PIM2: variants seen among roughly 807,000 people sequenced by gnomAD.
PIM2 encodes the protein serine/threonine-protein kinase pim-2.
Under a neutral mutation model 18.0 loss-of-function variants are expected in PIM2, and 3 were observed. The ratio of observed to expected loss-of-function variants is 0.17; its 90% CI spans 0.08 to 0.43. The LOEUF (loss-of-function observed/expected upper bound fraction) is 0.43. Among genes scored for constraint, PIM2 ranks in the 20% least tolerant of loss-of-function variants. PIM2 has a pLI of 0.99. For missense variants in PIM2, 181 were observed against 260.8 expected, an observed-to-expected ratio of 0.69 and a Z score of 2.11; for synonymous variants, 117 against 105.3, an observed-to-expected ratio of 1.11 and a Z score of -0.68.
rs943939038 is a variant in PIM2, at chrX:48,913,358, G to A, written c.*773C>T. The A allele has an allele frequency of 1.8e-4, 20 of 109,510 alleles. No individual in the cohort carries two copies. Among genetic ancestry groups the A allele is most frequent in the African/African-American group, 6.0e-4 (18 of 29,856 alleles). 9.0% of individuals were successfully genotyped at this position (109,510 alleles called of 1,213,427 possible). On this transcript the variant is annotated 3_prime_UTR_variant, in exon 6 of 6. Transcript: ENST00000376509. ...GAGGAGGTTGCAAGAATCTGCAAAA[G>A]TTGGAGGGAGCGCCCCAGGAGAACA... is the stretch of plus-strand genomic sequence containing the variant.
rs1455775054 is a variant in PIM2, at chrX:48,913,224, T to C, written c.*907A>G. ...TTATTAAATAGTGGGTTTCCACACATGGCTTTTTAAATAATCCAGGCAGGA... is the reference window on the plus strand; with the variant it reads ...TTATTAAATAGTGGGTTTCCACACACGGCTTTTTAAATAATCCAGGCAGGA... On this transcript the variant is annotated 3_prime_UTR_variant, in exon 6 of 6. Transcript: ENST00000376509. 1 of 111,185 alleles carries C rather than the reference T, an allele frequency of 9.0e-6. No individual in the cohort carries two copies. The highest frequency in any genetic ancestry group is 1.9e-5 in the Non-Finnish European group (1 of 52,920). 9.2% of individuals were successfully genotyped at this position (111,185 alleles called of 1,213,427 possible).
rs1297726420 is a variant in PIM2, at chrX:48,914,175, A to G, written c.892T>C (p.Ser298Pro). Residue 298 changes from serine (S) to proline (P), a missense_variant, in exon 6 of 6, where the codon TCC (serine) becomes CCC (proline). Coordinates refer to ENST00000376509, the MANE Select transcript of PIM2 (RefSeq NM_006875.4). ...TPAEDVPLNP[S>P]KGGPAPLAWS... is the part of the protein sequence containing the mutation. ...GCCAAAGGGGCAGGGCCTCCTTTGG[A>G]GGGGTTGAGGGGTACATCCTCGGCT... The G allele has an allele frequency of 8.6e-7, 1 of 1,161,796 alleles. No homozygotes were observed. The highest frequency in any genetic ancestry group is 1.1e-6 in the Non-Finnish European group (1 of 871,944).
At chrX:48,916,964 G>A (rs2063564541) in intron 3 of PIM2, among the ~76,000 whole-genome samples, 1 of 110,495 alleles carries the variant, frequency 9.1e-6, no homozygotes, top group South Asian at 3.8e-4. Flanking sequence ...AAACCCGCCT[G>A]GCCAACATGG....
In PIM2 at chrX:48,915,174, T is replaced by C. The variant is rs1276093009; in HGVS notation, c.441A>G (p.Val147=). ...AATGGCAGTGCTGGATGGCTGCCAC[T>C]ACTTGGCCAAAGAAGCAGCGGCTTG... The part of the protein sequence containing the change: ...EGPSRCFFGQ[V]VAAIQHCHSR... The change falls in exon 4 of 6, where the codon GTA becomes GTG. Residue 147 remains valine, a synonymous_variant. Transcript: ENST00000376509. The C allele has an allele frequency of 8.3e-7, 1 of 1,211,121 alleles. No individual in the cohort carries two copies. Among genetic ancestry groups the C allele is most frequent in the African/African-American group, 1.7e-5 (1 of 57,529 alleles).
Position 48,913,568 on chromosome X carries a change from A to AAG in PIM2, c.*562_*563insCT, listed in dbSNP as rs1257017996. On this transcript the variant is annotated 3_prime_UTR_variant, in exon 6 of 6. Coordinates refer to ENST00000376509, the MANE Select transcript of PIM2 (RefSeq NM_006875.4). ...GTCCCCTCACCCAAAAAAAAAAAAA[A>AAG]AAAAAAGAAGCCTTGGGGTAACAAC... The AAG allele has an allele frequency of 9.3e-6, 1 of 107,141 alleles. No homozygotes were observed. Among genetic ancestry groups the AAG allele is most frequent in the Admixed American group, 1.0e-4 (1 of 9,907 alleles). The allele number at this position is 107,141 out of a possible 1,213,427, so 8.8% of individuals were successfully genotyped here.
Position 48,914,578 on chromosome X carries a change from A to G in PIM2, c.596-7T>C. ...GGGCTGTACACCCTTGTCCCTGCAC[A>G]CAAGCCAGGGGTTAGACCAACTCAA... On this transcript the variant is annotated splice_polypyrimidine_tract_variant and splice_region_variant and intron_variant, in intron 4 of 5. Coordinates refer to ENST00000376509, the MANE Select transcript of PIM2 (RefSeq NM_006875.4). 8.3e-7 allele frequency: 1 copy of G among 1,202,052 alleles called. No individual in the cohort carries two copies. Among genetic ancestry groups the G allele is most frequent in the African/African-American group, 1.7e-5 (1 of 57,341 alleles).
At chrX:48,918,296 C>T (rs1337561143) in intron 2 of PIM2, among the ~76,000 whole-genome samples, 12 of 45,268 alleles carry the variant, frequency 2.7e-4, no homozygotes, top group African/African-American at 1.4e-3. Flanking sequence ...CTGAAGCCCC[C>T]TGCCCCCCCC....
intron 4 of PIM2, 121 bp downstream of exon 4, chrX:48,914,899 C>T (rs1390649404): frequency 2.2e-5 from 14 of 635,526 alleles, no homozygotes; most frequent in East Asian, 1.4e-4. Context: ...TATTAGCAAT[C>T]GATCATCTTA....
rs184870001 is a variant in PIM2 at position 48,915,681 on chromosome X, A to G, written c.223-289T>C. On this transcript the variant is annotated intron_variant, in intron 3 of 5. Coordinates refer to ENST00000376509, the MANE Select transcript of PIM2 (RefSeq NM_006875.4). ...CCAGGCACAGTGGCTCATCCCTGCAATCCCAGCACTTTGGGAGGCTGATGT... is the reference window on the plus strand; with the variant it reads ...CCAGGCACAGTGGCTCATCCCTGCAGTCCCAGCACTTTGGGAGGCTGATGT... The G allele has an allele frequency of 2.4e-3, 597 of 248,557 alleles. 1 individual carries two copies. The highest frequency in any genetic ancestry group is 3.7e-3 in the Non-Finnish European group (513 of 140,150). The allele number at this position is 248,557 out of a possible 1,213,427, so 20.5% of individuals were successfully genotyped here.
chrX:48,917,707 C>A, intron 3 of PIM2, 74 bp downstream of exon 3: 1 of 807,337 alleles, frequency 1.2e-6, no homozygotes, highest in Non-Finnish European at 1.8e-6. Context: ...AGTCATACAT[C>A]CCCTGGAAAA....
intron 2 of PIM2, 38 bp downstream of exon 2, chrX:48,918,498 C>T (rs782438610): frequency 3.9e-6 from 4 of 1,023,782 alleles, no homozygotes; most frequent in Non-Finnish European, 5.4e-6. Context: ...GCCCCCGCCA[C>T]ACGCACCTGA....
In PIM2 at chrX:48,918,661, C is replaced by A. The variant is rs202169102; in HGVS notation, c.62-16G>T. 5 of 1,163,804 alleles carry A rather than the reference C, an allele frequency of 4.3e-6. No individual in the cohort carries two copies. Among genetic ancestry groups the A allele is most frequent in the African/African-American group, 3.6e-5 (2 of 55,772 alleles). On this transcript the variant is annotated splice_polypyrimidine_tract_variant and intron_variant, in intron 1 of 5. Coordinates refer to ENST00000376509, the MANE Select transcript of PIM2 (RefSeq NM_006875.4). ...TCCTTGCCTCCTACGCAGGCGGAGGCGAGGAAGTCAGGGTGGCGGCGTGCT... is the reference window on the plus strand; with the variant it reads ...TCCTTGCCTCCTACGCAGGCGGAGGAGAGGAAGTCAGGGTGGCGGCGTGCT...
intron 4 of PIM2, 159 bp from the exon 5 acceptor site, chrX:48,914,730 C>A (rs1247208366): frequency 4.1e-6 from 2 of 486,644 alleles, no homozygotes; most frequent in Non-Finnish European, 6.8e-6. Flanking sequence ...AGAGTCCCCT[C>A]AACAGAATAA....
At chrX:48,918,336 C>T (rs2063569214) in intron 2 of PIM2, among the ~76,000 whole-genome samples, 200 bp downstream of exon 2, 1 of 83,858 alleles carries the variant, frequency 1.2e-5, no homozygotes, top group Non-Finnish European at 2.3e-5. Flanking sequence ...GACCGACACA[C>T]ACACGCGCAC....
chrX:48,918,556 G>A lies in PIM2; in HGVS notation c.151C>T (p.Arg51Cys). 1 of 1,202,819 alleles carries A rather than the reference G, an allele frequency of 8.3e-7. No homozygotes were observed. The highest frequency in any genetic ancestry group is 1.1e-6 in the Non-Finnish European group (1 of 888,694). Reference protein sequence around the residue: ...GGFGTVFAGHRLTDRLQVAIK... With the variant: ...GGFGTVFAGHCLTDRLQVAIK... ...GATACCTGGAGTCGATCTGTGAGGCGGTGTCCTGCGAAGACGGTGCCAAAG... is the reference window on the plus strand; with the variant it reads ...GATACCTGGAGTCGATCTGTGAGGCAGTGTCCTGCGAAGACGGTGCCAAAG... The change falls in exon 2 of 6, where the codon CGC becomes TGC. Residue 51 changes from arginine to cysteine, a missense_variant. This residue lies in a region of PIM2 where 104 missense variants were observed against 125.3 expected (regional missense o/e 0.83). Transcript: ENST00000376509.
intron 2 of PIM2, 43 bp downstream of exon 2, chrX:48,918,493 C>T (rs781817397): frequency 2.0e-6 from 2 of 988,816 alleles, no homozygotes; most frequent in Admixed American, 5.2e-5. Flanking sequence ...CCCCCGCCCC[C>T]GCCACACGCA....
chrX:48,917,466 G>A (rs1159494391), intron 3 of PIM2, among the ~76,000 whole-genome samples: 7 of 113,222 alleles, frequency 6.2e-5, no homozygotes, highest in African/African-American at 1.6e-4. Context: ...GCGTTATAAC[G>A]GCAAGAGAGA....
intron 2 of PIM2, among the ~76,000 whole-genome samples, chrX:48,918,297 T>TGC (rs1400882363): frequency 1.4e-4 from 1 of 7,083 alleles, no homozygotes; most frequent in Admixed American, 1.7e-3. Context: ...TGAAGCCCCC[T>TGC]GCCCCCCCCC....
rs1449023063 is a variant in PIM2 at position 48,918,955 on chromosome X, T to A, written c.-121A>T. The A allele has an allele frequency of 3.4e-6, 2 of 586,631 alleles. No homozygotes were observed. The highest frequency in any genetic ancestry group is 7.9e-5 in the East Asian group (2 of 25,440). 48.3% of individuals were successfully genotyped at this position (586,631 alleles called of 1,213,427 possible). On this transcript the variant is annotated 5_prime_UTR_variant, in exon 1 of 6. Coordinates refer to ENST00000376509, the MANE Select transcript of PIM2 (RefSeq NM_006875.4). Reference sequence around the variant, plus strand: ...GCGCCAGGGTGGAAAGCAGAGAAACTGGTGGCCCGGAAGCGCCCGCAGACG... The same window carrying A: ...GCGCCAGGGTGGAAAGCAGAGAAACAGGTGGCCCGGAAGCGCCCGCAGACG...
Sources: allele counts gnomAD v4.1 joint callset (sites outside exome capture counted in the v4.1 genomes callset), GRCh38; gene constraint gnomAD v4.1.1; regional missense constraint gnomAD v4.1.1; transcripts MANE v1.5; gene names NCBI Gene and HGNC (gene_info 2026-07-23, HGNC 2026-07-21).